PRSS3: variants seen among roughly 807,000 people sequenced by gnomAD.
PRSS3 encodes serine protease 3.
Under a neutral mutation model 20.8 loss-of-function variants are expected in PRSS3, and 14 were observed. That is an observed-to-expected ratio of 0.67 (90% CI 0.44 to 1.05). The LOEUF is 1.05. PRSS3 is among the 50% of genes least tolerant of loss of function. The pLI is 0.00. For synonymous variants in PRSS3, 91 were observed against 117.6 expected (o/e 0.77, Z 1.46); for missense variants, 237 against 306.4 (o/e 0.77, Z 1.69).
chr9:33,794,812 T>C, upstream of PRSS3: 1 of 1,550,884 alleles, frequency 6.4e-7, no homozygotes, highest in Non-Finnish European at 8.7e-7. Flanking sequence ...GAGAGACAAG[T>C]GGCTTCACAT....
chr9:33,794,703 C>G (rs1824816642), upstream of PRSS3: 1 of 1,508,406 alleles, frequency 6.6e-7, no homozygotes, highest in East Asian at 2.5e-5. Context: ...TTCAGGCTGT[C>G]AGCCCTGAGC....
At chr9:33,782,143 G>A (rs706138) in intron 1 of PRSS3, among the ~76,000 whole-genome samples, 23,212 of 152,152 alleles carry the variant, frequency 0.15, 2,087 homozygotes, top group South Asian at 0.33. Context: ...TCCACTCTGA[G>A]TACCCAGTGA....
intron 1 of PRSS3, among the ~76,000 whole-genome samples, chr9:33,773,552 C>G (rs1823793558): frequency 6.6e-6 from 1 of 152,144 alleles, no homozygotes; most frequent in Non-Finnish European, 1.5e-5. Context: ...CCCTCACACT[C>G]CCATCATATC....
chr9:33,751,400 A>T (rs1587363594), intron 1 of PRSS3, among the ~76,000 whole-genome samples: 2 of 152,168 alleles, frequency 1.3e-5, no homozygotes, highest in East Asian at 3.9e-4. Context: ...GCAGTGGGGG[A>T]GAAATTTGCG....
intron 1 of PRSS3, among the ~76,000 whole-genome samples, chr9:33,788,615 T>C (rs1394868873): frequency 6.6e-6 from 1 of 152,184 alleles, no homozygotes; most frequent in Non-Finnish European, 1.5e-5. Context: ...GAGCTCATTG[T>C]TTTAGATGGG....
chr9:33,785,408 ACCTCGTGATCCGCCCG>A (rs1172504109), intron 1 of PRSS3, among the ~76,000 whole-genome samples: 1 of 151,108 alleles, frequency 6.6e-6, no homozygotes, highest in East Asian at 1.9e-4. Context: ...CGATCTCCTG[ACCTCGTGATCCGCCCG>A]CCTCGGCCTC....
chr9:33,797,259 C>A (rs1386447452), intron 2 of PRSS3, among the ~76,000 whole-genome samples: 1 of 142,222 alleles, frequency 7.0e-6, no homozygotes. Flanking sequence ...CCTGAGTATG[C>A]GTCAAAACCA....
intron 1 of PRSS3, among the ~76,000 whole-genome samples, chr9:33,769,924 G>T (rs1198034296): frequency 6.6e-6 from 1 of 152,240 alleles, no homozygotes; most frequent in Non-Finnish European, 1.5e-5. Flanking sequence ...CCAACACTTT[G>T]GGAAGCTGAG....
chr9:33,782,222 C>G (rs1824214777), intron 1 of PRSS3, among the ~76,000 whole-genome samples: 1 of 152,186 alleles, frequency 6.6e-6, no homozygotes. Context: ...ATCCAACTAA[C>G]CCTTGACCAG....
At chr9:33,796,895 G>C in intron 2 of PRSS3, 93 bp downstream of exon 2, 1 of 1,600,294 alleles carries the variant, frequency 6.2e-7, no homozygotes, top group Non-Finnish European at 8.6e-7. Context: ...TGGGTAAGAC[G>C]GATGGGAGAG....
chr9:33,790,242 T>G (rs1332338262), intron 1 of PRSS3, among the ~76,000 whole-genome samples: 1 of 152,220 alleles, frequency 6.6e-6, no homozygotes, highest in Non-Finnish European at 1.5e-5. Flanking sequence ...TACAATTAGA[T>G]CATACAATAT....
intron 1 of PRSS3, among the ~76,000 whole-genome samples, chr9:33,775,208 T>C (rs1823869243): frequency 6.6e-6 from 1 of 152,156 alleles, no homozygotes; most frequent in South Asian, 2.1e-4. Context: ...ACTAGATCTT[T>C]AGGCAAGTAG....
At chr9:33,796,518 C>T (rs902180950) in intron 1 of PRSS3, 125 bp from the exon 2 acceptor site, 1 of 1,405,390 alleles carries the variant, frequency 7.1e-7, no homozygotes, top group Admixed American at 1.7e-5. Context: ...TGGCAGCGCT[C>T]CCTCCCTTGC....
At chr9:33,782,450 T>C (rs1824227285) in intron 1 of PRSS3, among the ~76,000 whole-genome samples, 2 of 152,212 alleles carry the variant, frequency 1.3e-5, no homozygotes, top group African/African-American at 4.8e-5. Flanking sequence ...TTAAAAAGAC[T>C]AAATATGTTA....
intron 1 of PRSS3, among the ~76,000 whole-genome samples, chr9:33,796,307 G>C (rs1205111975): frequency 6.6e-6 from 1 of 152,184 alleles, no homozygotes; most frequent in African/African-American, 2.4e-5. Flanking sequence ...CAAGTACACA[G>C]GTGATGAATA....
At chr9:33,773,213 T>TGA (rs146480883) in intron 1 of PRSS3, among the ~76,000 whole-genome samples, 24 of 149,278 alleles carry the variant, frequency 1.6e-4, no homozygotes, top group South Asian at 4.3e-4. Flanking sequence ...TTATCTCAAA[T>TGA]GAGAGAGAGA....
chr9:33,790,213 T>C (rs1401839673), intron 1 of PRSS3, among the ~76,000 whole-genome samples: 14 of 152,178 alleles, frequency 9.2e-5, no homozygotes, highest in Non-Finnish European at 2.1e-4. Flanking sequence ...AAATAAAAAG[T>C]CAAAATCGTT....
intron 1 of PRSS3, among the ~76,000 whole-genome samples, chr9:33,759,709 T>C (rs1295342685): frequency 6.6e-6 from 1 of 152,226 alleles, no homozygotes; most frequent in Non-Finnish European, 1.5e-5. Flanking sequence ...GTTGGATCTA[T>C]GAGTCTGAGA....
chr9:33,764,328 G>T (rs1239143309), intron 1 of PRSS3, among the ~76,000 whole-genome samples: 1 of 152,190 alleles, frequency 6.6e-6, no homozygotes, highest in African/African-American at 2.4e-5. Context: ...GAGGTTAGCA[G>T]TTCTAGACCA....
Sources: gnomAD v4.1 joint callset for allele counts (sites outside exome capture counted in the v4.1 genomes callset) on GRCh38, gnomAD v4.1.1 for gene constraint, MANE v1.5 for transcripts, NCBI Gene and HGNC (gene_info 2026-07-23, HGNC 2026-07-21) for gene names.